Variants in DCC observed in about 807,000 individuals in gnomAD.
The protein encoded by DCC is netrin receptor DCC.
Under a neutral mutation model 172.5 loss-of-function variants are expected in DCC, and 58 were observed. The ratio of observed to expected loss-of-function variants is 0.34; its 90% CI spans 0.27 to 0.42. The LOEUF (loss-of-function observed/expected upper bound fraction) is 0.42. Ranked by LOEUF, DCC falls within the 10% of genes least tolerant of loss-of-function variation. The probability of loss-of-function intolerance (pLI) is 1.00; values close to 1 mark genes in which losing one functional copy is unlikely to be tolerated. For synonymous variants in DCC, 709 were observed against 644.5 expected (o/e 1.10, Z -1.52); for missense variants, 1,740 against 1,791.0 (o/e 0.97, Z 0.51).
intron 17 of DCC, among the ~76,000 whole-genome samples, chr18:53,392,401 T>C (rs1292825791): frequency 6.6e-6 from 1 of 152,096 alleles, no homozygotes; most frequent in Non-Finnish European, 1.5e-5. Flanking sequence ...AACACACTAT[T>C]ATGGTAAAGA....
At chr18:52,832,124 T>C (rs1027066518) in intron 2 of DCC, among the ~76,000 whole-genome samples, 3 of 152,146 alleles carry the variant, frequency 2.0e-5, no homozygotes, top group Admixed American at 1.3e-4. Context: ...ACTCAAAGCA[T>C]AGTGTATCCC....
At chr18:52,715,305 T>TTTA (rs57870077) in intron 1 of DCC, among the ~76,000 whole-genome samples, 1 of 149,554 alleles carries the variant, frequency 6.7e-6, no homozygotes, top group Non-Finnish European at 1.5e-5. Context: ...CTTTTTTTTT[T>TTTA]ATTGTTGTTT....
At chr18:52,582,275 A>G (rs992030810) in intron 1 of DCC, among the ~76,000 whole-genome samples, 1 of 152,172 alleles carries the variant, frequency 6.6e-6, no homozygotes, top group East Asian at 1.9e-4. Context: ...ATTGCTATTT[A>G]TGTGTTATTA....
chr18:52,380,626 T>A (rs1469650653), intron 1 of DCC, among the ~76,000 whole-genome samples: 1 of 152,164 alleles, frequency 6.6e-6, no homozygotes, highest in Non-Finnish European at 1.5e-5. Flanking sequence ...TGTCTCTGAA[T>A]ATCTTAGGTG....
At chr18:53,030,075 T>G (rs72932086) in intron 5 of DCC, among the ~76,000 whole-genome samples, 18,871 of 152,194 alleles carry the variant, frequency 0.12, 1,328 homozygotes, top group Non-Finnish European at 0.16. Flanking sequence ...TTTAAGAACT[T>G]CCTTTTCTTC....
chr18:52,843,584 C>A (rs907412845), intron 2 of DCC, among the ~76,000 whole-genome samples: 2 of 152,114 alleles, frequency 1.3e-5, no homozygotes, highest in Non-Finnish European at 2.9e-5. Context: ...ACTCTTAATG[C>A]CTTAAACCCC....
At chr18:53,497,943 A>G (rs2046045974) in intron 26 of DCC, among the ~76,000 whole-genome samples, 1 of 151,866 alleles carries the variant, frequency 6.6e-6, no homozygotes, top group African/African-American at 2.4e-5. Flanking sequence ...ATCTTTTATC[A>G]AGTCTCTGCC....
chr18:52,622,368 A>G (rs566999499), intron 1 of DCC, among the ~76,000 whole-genome samples: 1 of 152,326 alleles, frequency 6.6e-6, no homozygotes, highest in South Asian at 2.1e-4. Context: ...GGCCTATTAA[A>G]TCACAGATTT....
At chr18:53,521,218 G>C (rs1408114285) in intron 27 of DCC, among the ~76,000 whole-genome samples, 1 of 152,114 alleles carries the variant, frequency 6.6e-6, no homozygotes, top group East Asian at 1.9e-4. Flanking sequence ...ACCATGTCTT[G>C]TACATTTGTT....
intron 14 of DCC, among the ~76,000 whole-genome samples, chr18:53,326,761 T>C (rs781688838): frequency 7.3e-6 from 1 of 136,766 alleles, no homozygotes; most frequent in Non-Finnish European, 1.6e-5. Flanking sequence ...CCTAACACTC[T>C]GAAGTGAGAA....
intron 2 of DCC, among the ~76,000 whole-genome samples, chr18:52,778,307 C>G (rs1478340986): frequency 6.6e-6 from 1 of 152,152 alleles, no homozygotes; most frequent in Non-Finnish European, 1.5e-5. Context: ...ACACTTTCTT[C>G]AGTTGCATGC....
intron 9 of DCC, among the ~76,000 whole-genome samples, chr18:53,187,222 G>A (rs547313220): frequency 6.6e-6 from 1 of 150,704 alleles, no homozygotes; most frequent in East Asian, 2.0e-4. Flanking sequence ...TCCTGAGTTC[G>A]TGTGATTCTC....
At chr18:53,310,146 T>C (rs1169782377) in intron 13 of DCC, among the ~76,000 whole-genome samples, 1 of 151,974 alleles carries the variant, frequency 6.6e-6, no homozygotes, top group Non-Finnish European at 1.5e-5. Context: ...GGAATATATG[T>C]CTTCAATGCT....
At chr18:53,363,553 T>C (rs2057971364) in intron 15 of DCC, among the ~76,000 whole-genome samples, 1 of 152,102 alleles carries the variant, frequency 6.6e-6, no homozygotes, top group Admixed American at 6.6e-5. Flanking sequence ...CTCCATTCTC[T>C]CCCGTGGCCC....
At chr18:52,522,222 C>A (rs972390085) in intron 1 of DCC, among the ~76,000 whole-genome samples, 11 of 152,118 alleles carry the variant, frequency 7.2e-5, no homozygotes, top group Admixed American at 7.2e-4. Flanking sequence ...ATGGTTTTAC[C>A]ATTTCTATGG....
intron 5 of DCC, among the ~76,000 whole-genome samples, chr18:52,941,419 T>C (rs1208368528): frequency 6.6e-6 from 1 of 151,976 alleles, no homozygotes; most frequent in Non-Finnish European, 1.5e-5. Flanking sequence ...AAAAATGAAG[T>C]CCAGGAATTG....
intron 2 of DCC, among the ~76,000 whole-genome samples, chr18:52,784,938 A>G: frequency 1.3e-5 from 2 of 149,502 alleles, no homozygotes; most frequent in African/African-American, 5.0e-5. Flanking sequence ...AAGGGGGGAG[A>G]GAGAGAGAGA....
At chr18:53,206,647 A>G (rs556636836) in intron 10 of DCC, among the ~76,000 whole-genome samples, 10 of 146,212 alleles carry the variant, frequency 6.8e-5, no homozygotes, top group Non-Finnish European at 1.5e-4. Flanking sequence ...ACATATATAT[A>G]ATATATGTAT....
chr18:52,357,675 G>A (rs1470554623), intron 1 of DCC, among the ~76,000 whole-genome samples: 1 of 152,070 alleles, frequency 6.6e-6, no homozygotes, highest in Non-Finnish European at 1.5e-5. Flanking sequence ...TATACAAGGG[G>A]GAGGGGAGGA....
Sources: gnomAD v4.1 joint callset for allele counts (sites outside exome capture counted in the v4.1 genomes callset) on GRCh38, gnomAD v4.1.1 for gene constraint, MANE v1.5 for transcripts, NCBI Gene and HGNC (gene_info 2026-07-23, HGNC 2026-07-21) for gene names.